The following POU6F2 variants were observed in gnomAD, a reference collection of about 807,000 sequenced individuals.
POU6F2 encodes POU domain, class 6, transcription factor 2.
A neutral mutation model predicts 71.3 loss-of-function variants in POU6F2; 31 were observed. The ratio of observed to expected loss-of-function variants is 0.43; its 90% CI spans 0.33 to 0.59. The LOEUF (loss-of-function observed/expected upper bound fraction) is 0.59, where lower values mean the gene tolerates loss of function less well. POU6F2 is among the 20% of genes least tolerant of loss of function. The pLI is 0.04. For synonymous variants in POU6F2, 347 were observed against 355.7 expected, an observed-to-expected ratio of 0.98 and a Z score of 0.27; for missense variants, 783 against 856.8, an observed-to-expected ratio of 0.91 and a Z score of 1.07.
intron 1 of POU6F2, among the ~76,000 whole-genome samples, chr7:39,020,899 C>A (rs1443894917): frequency 1.3e-5 from 2 of 151,896 alleles, no homozygotes; most frequent in Non-Finnish European, 2.9e-5. Flanking sequence ...AATATTGCCA[C>A]CTGCTTTCCT....
At chr7:39,082,502 T>G (rs1791141455) in intron 1 of POU6F2, among the ~76,000 whole-genome samples, 1 of 152,182 alleles carries the variant, frequency 6.6e-6, no homozygotes, top group African/African-American at 2.4e-5. Flanking sequence ...TTGTACAGGT[T>G]GAAGTTGCAG....
At chr7:39,406,306 C>A in intron 5 of POU6F2, 1 of 388,634 alleles carries the variant, frequency 2.6e-6, no homozygotes, top group South Asian at 3.8e-5. Flanking sequence ...ATTTCTCCAC[C>A]CCAGAAGGTC....
chr7:39,417,993 A>G (rs548447295), intron 6 of POU6F2, among the ~76,000 whole-genome samples: 1 of 152,214 alleles, frequency 6.6e-6, no homozygotes, highest in Non-Finnish European at 1.5e-5. Context: ...CCAAGCAGCT[A>G]TTTATGTGCC....
At chr7:38,981,670 G>C (rs1348201058) in intron 1 of POU6F2, among the ~76,000 whole-genome samples, 1 of 152,150 alleles carries the variant, frequency 6.6e-6, no homozygotes, top group Non-Finnish European at 1.5e-5. Flanking sequence ...AGAGAGAAGA[G>C]ACCACACATT....
chr7:39,209,281 C>T (rs1007853967), intron 4 of POU6F2, among the ~76,000 whole-genome samples: 9 of 152,140 alleles, frequency 5.9e-5, no homozygotes, highest in Non-Finnish European at 8.8e-5. Context: ...GAATCCCAAG[C>T]TTTGTAGCCT....
At chr7:39,136,201 A>G (rs1211852429) in intron 2 of POU6F2, among the ~76,000 whole-genome samples, 1 of 152,244 alleles carries the variant, frequency 6.6e-6, no homozygotes, top group Non-Finnish European at 1.5e-5. Context: ...CAAGCAAAAT[A>G]TATAGGGGAC....
At chr7:39,425,460 A>G (rs17769607) in intron 6 of POU6F2, among the ~76,000 whole-genome samples, 46,627 of 151,960 alleles carry the variant, frequency 0.31, 7,686 homozygotes, top group East Asian at 0.55. Context: ...TTTAGATATC[A>G]TAACTATTGT....
chr7:39,095,428 C>T (rs1465569195), intron 2 of POU6F2, among the ~76,000 whole-genome samples: 5 of 152,180 alleles, frequency 3.3e-5, no homozygotes, highest in African/African-American at 9.6e-5. Context: ...TTAATGTCTA[C>T]AGCTGCCTGC....
chr7:39,301,509 AG>A (rs1276923789), intron 4 of POU6F2, among the ~76,000 whole-genome samples: 19 of 152,338 alleles, frequency 1.2e-4, no homozygotes, highest in African/African-American at 4.6e-4. Flanking sequence ...GCAGAGGCAC[AG>A]GTGTGTGAGT....
At chr7:39,439,409 A>G (rs1364883301) in intron 7 of POU6F2, among the ~76,000 whole-genome samples, 1 of 152,036 alleles carries the variant, frequency 6.6e-6, no homozygotes, top group Non-Finnish European at 1.5e-5. Flanking sequence ...TCGTGCTGCT[A>G]TTTTGTTATT....
intron 1 of POU6F2, among the ~76,000 whole-genome samples, chr7:39,008,385 T>C (rs1789150763): frequency 6.6e-6 from 1 of 152,180 alleles, no homozygotes; most frequent in Admixed American, 6.5e-5. Flanking sequence ...TTTTTTCTTG[T>C]AAATTTGTTT....
intron 3 of POU6F2, among the ~76,000 whole-genome samples, chr7:39,204,665 T>G (rs1054011075): frequency 6.6e-6 from 1 of 152,062 alleles, no homozygotes; most frequent in Non-Finnish European, 1.5e-5. Context: ...TGAAGAAAAT[T>G]AAGTTATTTC....
At chr7:39,311,684 G>A (rs1785167978) in intron 4 of POU6F2, among the ~76,000 whole-genome samples, 1 of 152,138 alleles carries the variant, frequency 6.6e-6, no homozygotes, top group Admixed American at 6.5e-5. Context: ...TAAACATAGA[G>A]AGAGAGCAGT....
At chr7:39,032,163 A>G (rs1789958633) in intron 1 of POU6F2, among the ~76,000 whole-genome samples, 1 of 152,128 alleles carries the variant, frequency 6.6e-6, no homozygotes, top group Non-Finnish European at 1.5e-5. Context: ...ACCAGTGGGC[A>G]TTGGATGTTG....
intron 2 of POU6F2, among the ~76,000 whole-genome samples, chr7:39,164,145 A>G (rs1301928106): frequency 6.6e-6 from 1 of 152,120 alleles, no homozygotes; most frequent in Non-Finnish European, 1.5e-5. Context: ...ATTATCTTGA[A>G]TTAGCCATTC....
chr7:39,204,901 C>CT (rs36029859), intron 3 of POU6F2, among the ~76,000 whole-genome samples: 338 of 126,094 alleles, frequency 2.7e-3, no homozygotes, highest in Middle Eastern at 0.018. Context: ...AAAGGCTGGG[C>CT]TTTTTTTTTT....
Position 39,253,711 on chromosome 7 carries a change from A to T in POU6F2, c.598+46091A>T, listed in dbSNP as rs569775008. Among the ~76,000 whole-genome samples the T allele has an allele frequency of 2.0e-5, 3 of 152,272 alleles. No individual in the cohort carries two copies. The East Asian group carries it at 5.8e-4, about 29-fold the overall frequency. ...TAGAGGAGGGCACAGAGCAGGGAGGAGATGAGGCACAGTGATGCCTAGAGC... is the reference window on the plus strand; with the variant it reads ...TAGAGGAGGGCACAGAGCAGGGAGGTGATGAGGCACAGTGATGCCTAGAGC... On this transcript the variant is annotated intron_variant, in intron 4 of 9. Transcript: ENST00000518318.
intron 2 of POU6F2, among the ~76,000 whole-genome samples, chr7:39,144,000 G>A (rs1792561969): frequency 6.6e-6 from 1 of 152,094 alleles, no homozygotes; most frequent in African/African-American, 2.4e-5. Flanking sequence ...AAGCCAAATA[G>A]CACATCCCAT....
intron 1 of POU6F2, among the ~76,000 whole-genome samples, chr7:39,007,256 T>C (rs1374739887): frequency 6.6e-6 from 1 of 152,230 alleles, no homozygotes; most frequent in African/African-American, 2.4e-5. Context: ...GATGTGGCTT[T>C]TATGGGAAAA....
Sources: allele counts gnomAD v4.1 joint callset (sites outside exome capture counted in the v4.1 genomes callset), GRCh38; gene constraint gnomAD v4.1.1; transcripts MANE v1.5; gene names NCBI Gene and HGNC (gene_info 2026-07-23, HGNC 2026-07-21).